Variants in ZNF475 observed in about 807,000 individuals in gnomAD.
The protein encoded by ZNF475 is zinc finger protein 475.
chr5:122,165,447 C>G, the ZNF475 span, among the ~76,000 whole-genome samples: 1 of 152,184 alleles, frequency 6.6e-6, no homozygotes, highest in Non-Finnish European at 1.5e-5. Flanking sequence ...ATTGTCATGT[C>G]TATCTCCCCC....
the ZNF475 span, among the ~76,000 whole-genome samples, chr5:122,164,552 C>G: frequency 6.6e-6 from 1 of 152,234 alleles, no homozygotes; most frequent in Non-Finnish European, 1.5e-5. Context: ...GTGCAGGGAC[C>G]AGGGGCATGC....
chr5:122,168,669 T>C, the ZNF475 span, among the ~76,000 whole-genome samples: 1 of 152,162 alleles, frequency 6.6e-6, no homozygotes, highest in Non-Finnish European at 1.5e-5. Flanking sequence ...GCCGAGATCG[T>C]GCCACTGCAC....
At chr5:122,173,469 A>G in the ZNF475 span, among the ~76,000 whole-genome samples, 6,860 of 152,292 alleles carry the variant, frequency 0.045, 259 homozygotes, top group South Asian at 0.12. Context: ...ATCAGTAACA[A>G]TGAAGGGATG....
chr5:122,174,416 G>A, the ZNF475 span, among the ~76,000 whole-genome samples: 5 of 152,184 alleles, frequency 3.3e-5, no homozygotes, highest in African/African-American at 1.2e-4. Context: ...CCACGTGGAT[G>A]TATTTTTCTC....
the ZNF475 span, among the ~76,000 whole-genome samples, chr5:122,166,522 ATG>A: frequency 6.6e-6 from 1 of 152,042 alleles, no homozygotes. Flanking sequence ...GCCCCAGTGT[ATG>A]ATGTTCCCCA....
chr5:122,173,246 G>C, the ZNF475 span, among the ~76,000 whole-genome samples: 666 of 152,198 alleles, frequency 4.4e-3, 7 homozygotes, highest in African/African-American at 0.015. Context: ...ATTTCACAGT[G>C]GTTTCCTTTT....
At chr5:122,164,735 C>A in the ZNF475 span, among the ~76,000 whole-genome samples, 1 of 152,168 alleles carries the variant, frequency 6.6e-6, no homozygotes, top group South Asian at 2.1e-4. Flanking sequence ...GGCTGCACAT[C>A]TGGAGAGTAG....
the ZNF475 span, among the ~76,000 whole-genome samples, chr5:122,169,012 C>A: frequency 6.6e-6 from 1 of 152,194 alleles, no homozygotes; most frequent in East Asian, 1.9e-4. Context: ...CATGTTGCGA[C>A]CTTCAACTGT....
chr5:122,161,133 T>A, the ZNF475 span, among the ~76,000 whole-genome samples: 1 of 152,226 alleles, frequency 6.6e-6, no homozygotes, highest in African/African-American at 2.4e-5. Context: ...TGTTGTGTAG[T>A]GCTCCTCTCC....
the ZNF475 span, among the ~76,000 whole-genome samples, chr5:122,160,526 G>A: frequency 2.0e-5 from 3 of 152,082 alleles, no homozygotes; most frequent in Non-Finnish European, 4.4e-5. Flanking sequence ...ACATATTGCT[G>A]GGTAGAGACA....
chr5:122,168,970 G>A, the ZNF475 span, among the ~76,000 whole-genome samples: 2 of 152,166 alleles, frequency 1.3e-5, no homozygotes, highest in African/African-American at 4.8e-5. Flanking sequence ...GACCAAGGTG[G>A]AAAGGCAGAG....
chr5:122,165,947 C>A, the ZNF475 span, among the ~76,000 whole-genome samples: 1 of 152,168 alleles, frequency 6.6e-6, no homozygotes, highest in Non-Finnish European at 1.5e-5. Context: ...TCAAAAAGAA[C>A]AGGCTTACTG....
chr5:122,163,054 A>ACCT, the ZNF475 span: 1 of 152,070 alleles, frequency 6.6e-6, no homozygotes, highest in African/African-American at 2.4e-5. Flanking sequence ...AAGTTACTTA[A>ACCT]CCTCCCCAAG....
chr5:122,181,378 G>A, the ZNF475 span, among the ~76,000 whole-genome samples: 4 of 152,082 alleles, frequency 2.6e-5, no homozygotes, highest in Admixed American at 2.0e-4. Flanking sequence ...TTTAAAACTC[G>A]CATGAGTAAC....
the ZNF475 span, among the ~76,000 whole-genome samples, chr5:122,171,339 C>T: frequency 6.6e-6 from 1 of 152,154 alleles, no homozygotes; most frequent in Non-Finnish European, 1.5e-5. Context: ...ATAAAAGTTA[C>T]CCCACACTCC....
At chr5:122,170,491 A>G in the ZNF475 span, among the ~76,000 whole-genome samples, 19 of 152,214 alleles carry the variant, frequency 1.2e-4, no homozygotes, top group Non-Finnish European at 2.6e-4. Flanking sequence ...CAAATGATAC[A>G]GATGAACAGC....
chr5:122,179,512 T>A, the ZNF475 span: 1 of 1,024,638 alleles, frequency 9.8e-7, no homozygotes, highest in Admixed American at 2.7e-5. Flanking sequence ...CAATTGTGAA[T>A]GGGAGTTCAC....
the ZNF475 span, among the ~76,000 whole-genome samples, chr5:122,179,170 T>A: frequency 6.6e-6 from 1 of 152,206 alleles, no homozygotes; most frequent in East Asian, 1.9e-4. Flanking sequence ...TCAGGTGGTG[T>A]GCTGCTTCCA....
the ZNF475 span, among the ~76,000 whole-genome samples, chr5:122,166,025 C>T: frequency 2.2e-3 from 341 of 152,300 alleles, 1 homozygote; most frequent in Non-Finnish European, 4.2e-3. Context: ...AGGAGGCTTC[C>T]TTTATTCCCT....
Sources: gnomAD v4.1 joint callset for allele counts (sites outside exome capture counted in the v4.1 genomes callset) on GRCh38, gnomAD v4.1.1 for gene constraint, MANE v1.5 for transcripts, NCBI Gene and HGNC (gene_info 2026-07-23, HGNC 2026-07-21) for gene names.